Variants in SLC4A10 observed in about 807,000 individuals in gnomAD.
SLC4A10 encodes solute carrier family 4 member 10, also known as sodium-driven chloride bicarbonate exchanger.
SLC4A10 carries 42 observed loss-of-function variants against 137.7 expected under a neutral mutation model. That is an observed-to-expected ratio of 0.30 (90% CI 0.24 to 0.39). The LOEUF (loss-of-function observed/expected upper bound fraction) is 0.39, where lower values mean the gene tolerates loss of function less well. SLC4A10 is among the 10% of genes least tolerant of loss of function. The pLI is 1.00. For missense variants in SLC4A10, 925 were observed against 1,355.0 expected, an observed-to-expected ratio of 0.68 and a Z score of 4.98; for synonymous variants, 474 against 464.1, an observed-to-expected ratio of 1.02 and a Z score of -0.27.
chr2:161,645,383 T>C (rs2105522919), intron 1 of SLC4A10, among the ~76,000 whole-genome samples: 1 of 151,966 alleles, frequency 6.6e-6, no homozygotes, highest in East Asian at 1.9e-4. Flanking sequence ...GGGTTACACC[T>C]ATATATATAT....
At chr2:161,793,125 G>C (rs2054382165) in intron 2 of SLC4A10, among the ~76,000 whole-genome samples, 1 of 151,682 alleles carries the variant, frequency 6.6e-6, no homozygotes, top group Non-Finnish European at 1.5e-5. Flanking sequence ...AAACTTTTTT[G>C]CTTCTTCATT....
intron 3 of SLC4A10, among the ~76,000 whole-genome samples, chr2:161,836,850 T>C (rs1321937970): frequency 6.6e-6 from 1 of 152,158 alleles, no homozygotes; most frequent in African/African-American, 2.4e-5. Flanking sequence ...ATGATTCCAA[T>C]GATTGCAGAT....
intron 1 of SLC4A10, among the ~76,000 whole-genome samples, chr2:161,682,783 C>T (rs1485077171): frequency 6.6e-6 from 1 of 152,036 alleles, no homozygotes. Context: ...TCCCCCTCTG[C>T]CTGGTCTCTC....
chr2:161,959,827 C>A (rs1248364397), intron 21 of SLC4A10, among the ~76,000 whole-genome samples: 4 of 152,156 alleles, frequency 2.6e-5, no homozygotes, highest in Non-Finnish European at 4.4e-5. Flanking sequence ...ATTTTAAAAC[C>A]TCCACAAGTG....
chr2:161,685,864 G>GA (rs900176283), intron 1 of SLC4A10, among the ~76,000 whole-genome samples: 3 of 152,000 alleles, frequency 2.0e-5, no homozygotes, highest in Non-Finnish European at 1.5e-5. Context: ...TTAACTAAAG[G>GA]AAAAAATCCC....
intron 1 of SLC4A10, among the ~76,000 whole-genome samples, chr2:161,746,028 C>T (rs2125274674): frequency 6.6e-6 from 1 of 152,178 alleles, no homozygotes; most frequent in South Asian, 2.1e-4. Flanking sequence ...TGTTGGGTCA[C>T]CTCTGAAGCC....
intron 2 of SLC4A10, among the ~76,000 whole-genome samples, chr2:161,797,191 G>A (rs370865157): frequency 2.6e-5 from 4 of 151,994 alleles, no homozygotes; most frequent in African/African-American, 9.7e-5. Flanking sequence ...ATCTCATCTT[G>A]CCTTTTCTTC....
At chr2:161,775,511 G>C (rs1395564150) in intron 2 of SLC4A10, among the ~76,000 whole-genome samples, 1 of 151,926 alleles carries the variant, frequency 6.6e-6, no homozygotes, top group Non-Finnish European at 1.5e-5. Flanking sequence ...GAAGTGGCAA[G>C]TGTGTTGGAG....
rs539928498 is a variant in SLC4A10, at chr2:161,894,133, A to T, written c.1195-546A>T. Among the ~76,000 whole-genome samples the T allele has an allele frequency of 8.5e-5, 13 of 152,210 alleles. No homozygotes were observed. In the East Asian group the frequency reaches 2.5e-3, roughly 29 times the overall value. ...TCCATTTTATGTAAGGAACTCAAGT[A>T]TCCATAGATTTTGGTATCTGCAGGG... On this transcript the variant is annotated intron_variant, in intron 10 of 26. Coordinates refer to ENST00000446997, the MANE Select transcript of SLC4A10 (RefSeq NM_001178015.2).
At chr2:161,695,301 A>G (rs1356273725) in intron 1 of SLC4A10, among the ~76,000 whole-genome samples, 2 of 152,110 alleles carry the variant, frequency 1.3e-5, no homozygotes, top group Non-Finnish European at 2.9e-5. Context: ...TTTACAAATC[A>G]ACTCTTTTTG....
chr2:161,732,131 C>T lies in SLC4A10; in HGVS notation c.49-38842C>T, dbSNP rs547920006. 2.0e-5 allele frequency among the ~76,000 whole-genome samples: 3 copies of T among 152,274 alleles called. No homozygotes were observed. In the East Asian group the frequency reaches 5.8e-4, roughly 29 times the overall value. On this transcript the variant is annotated intron_variant, in intron 1 of 26. Coordinates refer to ENST00000446997, the MANE Select transcript of SLC4A10 (RefSeq NM_001178015.2). ...CAGCTATTCAGAAACACCCTTATCC[C>T]TGTTTTTTGGAGTTTTTATGGGAGC...
At chr2:161,958,418 T>C in intron 20 of SLC4A10, 69 bp from the exon 21 acceptor site, 2 of 1,349,038 alleles carry the variant, frequency 1.5e-6, no homozygotes, top group Non-Finnish European at 2.1e-6. Flanking sequence ...TGTTTTTTTC[T>C]TTGATAAATG....
At chr2:161,722,637 C>A (rs2045805897) in intron 1 of SLC4A10, among the ~76,000 whole-genome samples, 2 of 152,128 alleles carry the variant, frequency 1.3e-5, no homozygotes, top group South Asian at 4.1e-4. Context: ...GGGGGGTCTC[C>A]CCAAGTCAAG....
intron 3 of SLC4A10, among the ~76,000 whole-genome samples, chr2:161,814,877 A>G (rs181788994): frequency 1.6e-4 from 25 of 152,262 alleles, no homozygotes; most frequent in Admixed American, 1.4e-3. Flanking sequence ...GCATCATTCA[A>G]TATGCCCATA....
intron 1 of SLC4A10, among the ~76,000 whole-genome samples, chr2:161,705,448 A>C (rs1418287522): frequency 6.6e-6 from 1 of 151,732 alleles, no homozygotes. Context: ...TAAGATGCTC[A>C]TCTTTTATTA....
At chr2:161,944,588 G>T (rs1477672213) in intron 16 of SLC4A10, among the ~76,000 whole-genome samples, 2 of 151,014 alleles carry the variant, frequency 1.3e-5, no homozygotes, top group East Asian at 1.9e-4. Context: ...GGGGTTGTTG[G>T]TTTTTTTCTC....
At chr2:161,628,143 T>C (rs1262940212) in intron 1 of SLC4A10, among the ~76,000 whole-genome samples, 7 of 152,138 alleles carry the variant, frequency 4.6e-5, no homozygotes, top group Admixed American at 2.0e-4. Flanking sequence ...TTTCCTTTGA[T>C]ATTCAATGTT....
Position 161,695,821 on chromosome 2 carries a change from C to T in SLC4A10, c.48+71255C>T, listed in dbSNP as rs535313918. ...TTCCTGCATTCTACGACAATAAACACTAAAGAGAACAATAATTCAAAGGAA... is the reference window on the plus strand; with the variant it reads ...TTCCTGCATTCTACGACAATAAACATTAAAGAGAACAATAATTCAAAGGAA... On this transcript the variant is annotated intron_variant, in intron 1 of 26. Transcript: ENST00000446997. Among the ~76,000 whole-genome samples, 166 of 152,224 alleles carry T rather than the reference C, an allele frequency of 1.1e-3. 1 individual carries two copies. Among genetic ancestry groups the T allele is most frequent in the Middle Eastern group, 6.8e-3 (2 of 294 alleles).
At chr2:161,658,817 C>T (rs867019123) in intron 1 of SLC4A10, among the ~76,000 whole-genome samples, 2 of 152,052 alleles carry the variant, frequency 1.3e-5, no homozygotes, top group South Asian at 4.1e-4. Context: ...TCTCAAACTC[C>T]TGACCTCAAG....
Sources: allele counts gnomAD v4.1 joint callset (sites outside exome capture counted in the v4.1 genomes callset), GRCh38; gene constraint gnomAD v4.1.1; transcripts MANE v1.5; gene names NCBI Gene and HGNC (gene_info 2026-07-23, HGNC 2026-07-21).